CFAP52: variants seen among roughly 807,000 people sequenced by gnomAD.
CFAP52 encodes the protein cilia- and flagella-associated protein 52.
A neutral mutation model predicts 70.5 loss-of-function variants in CFAP52; 57 were observed. The observed-to-expected ratio is 0.81, with a 90% CI of 0.65 to 1.01. The LOEUF (loss-of-function observed/expected upper bound fraction) is 1.01, where lower values mean the gene tolerates loss of function less well. Among genes scored for constraint, CFAP52 ranks in the 50% least tolerant of loss-of-function variants. The pLI is 0.00. For missense variants in CFAP52, 785 were observed against 788.5 expected (o/e 1.00, Z 0.05); for synonymous variants, 267 against 292.5 (o/e 0.91, Z 0.89).
chr17:9,640,187 C>T lies in CFAP52; in HGVS notation c.1575+1476C>T, dbSNP rs943098717. On this transcript the variant is annotated intron_variant, in intron 12 of 13. Transcript: ENST00000352665. Reference sequence around the variant, plus strand: ...AACAATGAGAAACAAATGAAATGCACGTGCAGGTTTGCACTCCTGATTCCT... The same window carrying T: ...AACAATGAGAAACAAATGAAATGCATGTGCAGGTTTGCACTCCTGATTCCT... 3.3e-5 allele frequency among the ~76,000 whole-genome samples: 5 copies of T among 150,930 alleles called. No individual in the cohort carries two copies. The South Asian group carries it at 6.3e-4, about 19-fold the overall frequency.
rs144675275 is a variant in CFAP52, at chr17:9,586,973, G to A, written c.407+139G>A. 1.1e-5 allele frequency: 12 copies of A among 1,064,652 alleles called. No individual in the cohort carries two copies. The African/African-American group carries it at 1.5e-4, about 13-fold the overall frequency. The allele number at this position is 1,064,652 out of a possible 1,614,324, so 66.0% of individuals were successfully genotyped here. ...GTACAGATTATTTCATCAACCAGGT[G>A]CTCAGCCTAGTACCCAGTAGTTATT... On this transcript the variant is annotated intron_variant, in intron 3 of 13. Coordinates refer to ENST00000352665, the MANE Select transcript of CFAP52 (RefSeq NM_145054.5).
At chr17:9,591,230 G>A (rs1908745331) in intron 3 of CFAP52, among the ~76,000 whole-genome samples, 1 of 141,564 alleles carries the variant, frequency 7.1e-6, no homozygotes, top group South Asian at 2.3e-4. Context: ...AGAGACGGGG[G>A]TCTCTTCATG....
At chr17:9,623,669 TTTTTG>T (rs558812431) in intron 8 of CFAP52, among the ~76,000 whole-genome samples, 263 of 139,838 alleles carry the variant, frequency 1.9e-3, no homozygotes, top group African/African-American at 7.9e-3. Flanking sequence ...TGCTTAGCTT[TTTTTG>T]TTTGTTTGTT....
downstream of CFAP52, among the ~76,000 whole-genome samples, chr17:9,644,112 T>G (rs1911211950): frequency 6.6e-6 from 1 of 152,226 alleles, no homozygotes; most frequent in Non-Finnish European, 1.5e-5. Flanking sequence ...TTTGTTTGTT[T>G]GTTTGTTTTT....
At chr17:9,633,163 G>A (rs745745841) in intron 10 of CFAP52, 130 bp downstream of exon 10, 2 of 1,092,996 alleles carry the variant, frequency 1.8e-6, no homozygotes, top group Non-Finnish European at 2.5e-6. Context: ...ACATTTTGAT[G>A]AGATCTGAAA....
chr17:9,580,318 T>TAAAA (rs11386649), intron 1 of CFAP52, among the ~76,000 whole-genome samples: 1 of 134,760 alleles, frequency 7.4e-6, no homozygotes, highest in Admixed American at 7.6e-5. Context: ...GGACCTTTCT[T>TAAAA]AAAAAAAAAA....
chr17:9,629,718 A>G (rs149950268), intron 9 of CFAP52, among the ~76,000 whole-genome samples: 9 of 146,784 alleles, frequency 6.1e-5, no homozygotes, highest in African/African-American at 2.4e-4. Context: ...CCTCCCAAGT[A>G]TCTGGGACTA....
intron 9 of CFAP52, among the ~76,000 whole-genome samples, chr17:9,629,761 T>C (rs1910391765): frequency 6.6e-6 from 1 of 152,026 alleles, no homozygotes. Flanking sequence ...GCTAATTTTT[T>C]GTATTTTTAG....
chr17:9,635,426 T>C lies in CFAP52; in HGVS notation c.1342T>C (p.Cys448Arg). Residue 448 changes from cysteine to arginine, a missense_variant, in exon 11 of 14, where the codon TGT becomes CGT. Coordinates refer to ENST00000352665, the MANE Select transcript of CFAP52 (RefSeq NM_145054.5). ...EGEVRVWQIG[C>R]QTQKLEEALK... is the part of the protein sequence containing the mutation. ...TCAGGTGAGGGTATGGCAGATAGGC[T>C]GTCAGACCCAGAAGCTGGAGGAGGC... is the stretch of plus-strand genomic sequence containing the variant. 6.2e-7 allele frequency: 1 copy of C among 1,614,106 alleles called. No homozygotes were observed. Among genetic ancestry groups the C allele is most frequent in the Non-Finnish European group, 8.5e-7 (1 of 1,180,044 alleles).
At chr17:9,632,855 TC>T in intron 9 of CFAP52, 32 bp from the exon 10 acceptor site, 1 of 1,610,516 alleles carries the variant, frequency 6.2e-7, no homozygotes, top group Non-Finnish European at 8.5e-7. Flanking sequence ...CATATACTGA[TC>T]CTGCCTGCCT....
chr17:9,625,734 A>G (rs1285950353), intron 8 of CFAP52, among the ~76,000 whole-genome samples: 2 of 152,080 alleles, frequency 1.3e-5, no homozygotes, highest in African/African-American at 2.4e-5. Context: ...CCTGATTTCT[A>G]TCTACTTTTA....
At chr17:9,590,155 G>A in intron 3 of CFAP52, 2 of 192,614 alleles carry the variant, frequency 1.0e-5, no homozygotes, top group Admixed American at 1.0e-4. Context: ...AATCTTCTTC[G>A]ATCCATGGTA....
rs768830852 is a variant in CFAP52, at chr17:9,632,970, C to T, written c.1257C>T (p.Gly419=). The part of the protein sequence containing the change: ...MYVINNAHRI[G]VTAIATTSDC... ...TCATTAACAATGCTCACAGGATCGG[C>T]GTCACCGCCATCGCCACCACCAGTG... Residue 419 remains glycine, a synonymous_variant, in exon 10 of 14, where the codon GGC becomes GGT. Coordinates refer to ENST00000352665, the MANE Select transcript of CFAP52 (RefSeq NM_145054.5). 2.0e-5 allele frequency: 32 copies of T among 1,614,042 alleles called. No individual in the cohort carries two copies. The highest frequency in any genetic ancestry group is 2.6e-5 in the Non-Finnish European group (31 of 1,180,042).
At chr17:9,636,193 A>AAG (rs1212773575) in intron 11 of CFAP52, among the ~76,000 whole-genome samples, 3 of 99,310 alleles carry the variant, frequency 3.0e-5, no homozygotes, top group African/African-American at 4.5e-5. Context: ...GAAAGAAAGA[A>AAG]AGAAAGAAAG....
At chr17:9,596,341 T>G (rs1253824530) in intron 4 of CFAP52, among the ~76,000 whole-genome samples, 2 of 151,808 alleles carry the variant, frequency 1.3e-5, no homozygotes, top group African/African-American at 2.4e-5. Context: ...GCTCAGGCAA[T>G]CCACCTGCCT....
At chr17:9,642,605 C>A (rs1911121892) in intron 13 of CFAP52, among the ~76,000 whole-genome samples, 1 of 152,158 alleles carries the variant, frequency 6.6e-6, no homozygotes, top group Admixed American at 6.5e-5. Flanking sequence ...GCCTGAGTGA[C>A]AGACAGTCCG....
chr17:9,615,346 A>G (rs753283857), intron 8 of CFAP52, among the ~76,000 whole-genome samples: 1 of 152,220 alleles, frequency 6.6e-6, no homozygotes, highest in Non-Finnish European at 1.5e-5. Context: ...AGAGACGTGC[A>G]TTGCAGCAAA....
At position 9,586,578 on chromosome 17, in the gene CFAP52, A is replaced by G. The variant is rs1597764184; in HGVS notation, c.271-120A>G. 6.7e-6 allele frequency: 9 copies of G among 1,350,562 alleles called. No individual in the cohort carries two copies. In the East Asian group the frequency reaches 1.5e-4, roughly 23 times the overall value. 83.7% of individuals were successfully genotyped at this position (1,350,562 alleles called of 1,614,324 possible). On this transcript the variant is annotated intron_variant, in intron 2 of 13. Coordinates refer to ENST00000352665, the MANE Select transcript of CFAP52 (RefSeq NM_145054.5). ...GAGACTCCGTCTCAACAAAAAAAAA[A>G]AAAAAAAGAAAGAAAAAAGAAAAGT...
chr17:9,596,456 G>A (rs1321222936), intron 4 of CFAP52, among the ~76,000 whole-genome samples: 1 of 152,004 alleles, frequency 6.6e-6, no homozygotes, highest in African/African-American at 2.4e-5. Context: ...ATTAGCTGAA[G>A]TCTTTGTGAT....
Sources: allele counts gnomAD v4.1 joint callset (sites outside exome capture counted in the v4.1 genomes callset), GRCh38; gene constraint gnomAD v4.1.1; transcripts MANE v1.5; gene names NCBI Gene and HGNC (gene_info 2026-07-23, HGNC 2026-07-21).